Variants in KIF5C observed in about 807,000 individuals in gnomAD.
KIF5C encodes the protein kinesin heavy chain isoform 5C.
KIF5C carries 18 observed loss-of-function variants against 125.2 expected under a neutral mutation model. The ratio of observed to expected loss-of-function variants is 0.14; its 90% CI spans 0.10 to 0.21. The LOEUF (loss-of-function observed/expected upper bound fraction) is 0.21, where lower values mean the gene tolerates loss of function less well. KIF5C is among the 10% of genes least tolerant of loss of function. The pLI, the probability that KIF5C is intolerant of heterozygous loss-of-function variation, is 1.00. For missense variants in KIF5C, 780 were observed against 1,183.8 expected (o/e 0.66, Z 5.01); for synonymous variants, 405 against 434.0 (o/e 0.93, Z 0.83).
At chr2:148,971,307 T>TCTATCTATCTAG (rs1680898266) in intron 11 of KIF5C, among the ~76,000 whole-genome samples, 1 of 151,328 alleles carries the variant, frequency 6.6e-6, no homozygotes, top group South Asian at 2.1e-4. Context: ...TATCTATCTA[T>TCTATCTATCTAG]CTATCTATCT....
intron 24 of KIF5C, among the ~76,000 whole-genome samples, chr2:149,011,003 C>CT (rs11400596): frequency 0.11 from 16,393 of 145,710 alleles, 1,120 homozygotes; most frequent in Middle Eastern, 0.25. Context: ...GCTTCTTCTC[C>CT]TTTTTTTTTT....
intron 10 of KIF5C, among the ~76,000 whole-genome samples, chr2:148,955,732 A>G (rs1288732994): frequency 6.6e-6 from 1 of 152,048 alleles, no homozygotes; most frequent in African/African-American, 2.4e-5. Context: ...GAAGAATGCT[A>G]TACTCTCTAT....
rs1284087261 is a variant in KIF5C at position 148,876,331 on chromosome 2, T to C, written c.126+588T>C. Reference sequence around the variant, plus strand: ...GGAAGGCGGAGGGTTGGGGGAGTACTGGTGGCCTCGGTGTCCCCTGGAGGC... The same window carrying C: ...GGAAGGCGGAGGGTTGGGGGAGTACCGGTGGCCTCGGTGTCCCCTGGAGGC... On this transcript the variant is annotated intron_variant, in intron 1 of 25. Coordinates refer to ENST00000435030, the MANE Select transcript of KIF5C (RefSeq NM_004522.3). This position sits in a 1 kb window ranked among gnomAD's most constrained non-coding sequence, Gnocchi z 4.7. 6.6e-6 allele frequency among the ~76,000 whole-genome samples: 1 copy of C among 152,202 alleles called. No homozygotes were observed. The highest frequency in any genetic ancestry group is 1.9e-4 in the East Asian group (1 of 5,186).
intron 25 of KIF5C, among the ~76,000 whole-genome samples, chr2:149,013,056 CTTTG>C (rs1174510654): frequency 1.3e-5 from 2 of 152,156 alleles, no homozygotes; most frequent in Admixed American, 6.5e-5. Flanking sequence ...AGGGCCTGGG[CTTTG>C]TTTGTCTTTT....
Position 148,947,027 on chromosome 2 carries a change from A to G in KIF5C, c.714+4A>G. On this transcript the variant is annotated splice_donor_region_variant and intron_variant, in intron 8 of 25. Transcript: ENST00000435030. ...TGATTTGGCTGGGAGCGAAAAGGTAATTTGTTCTTTATTTGTATTATCTAT... is the reference window on the plus strand; with the variant it reads ...TGATTTGGCTGGGAGCGAAAAGGTAGTTTGTTCTTTATTTGTATTATCTAT... 1 of 1,608,058 alleles carries G rather than the reference A, an allele frequency of 6.2e-7. No individual in the cohort carries two copies. The highest frequency in any genetic ancestry group is 8.5e-7 in the Non-Finnish European group (1 of 1,178,042).
At chr2:149,007,913 A>AGGGT (rs1192037646) in intron 22 of KIF5C, 50 bp from the exon 23 acceptor site, 9 of 1,146,806 alleles carry the variant, frequency 7.8e-6, no homozygotes, top group Non-Finnish European at 9.5e-6. Flanking sequence ...CCTGGGGCGG[A>AGGGT]GGGTGGGTGG....
chr2:148,999,514 G>A (rs975964680), intron 19 of KIF5C, among the ~76,000 whole-genome samples: 7 of 152,196 alleles, frequency 4.6e-5, no homozygotes, highest in Non-Finnish European at 8.8e-5. Flanking sequence ...ACCCAGGCTC[G>A]GTGCCCAGTT....
In KIF5C at chr2:148,937,465, G is replaced by C. The variant is rs966105620; in HGVS notation, c.396+77G>C. 4.6e-5 allele frequency: 68 copies of C among 1,482,936 alleles called. 1 individual carries two copies. In the Middle Eastern group the frequency reaches 8.9e-4, roughly 19 times the overall value. 91.9% of individuals were successfully genotyped at this position (1,482,936 alleles called of 1,614,324 possible). A position where few individuals can be genotyped will look rare whatever the true frequency, so the allele number is the denominator to read the frequency against. ...TTCTTATACCTCCTCCTTTCAAGAA[G>C]ATATAAAAGATGATCCTACTAATTT... On this transcript the variant is annotated intron_variant, in intron 4 of 25. Transcript: ENST00000435030.
intron 1 of KIF5C, among the ~76,000 whole-genome samples, chr2:148,894,267 T>C (rs922913014): frequency 2.0e-5 from 3 of 152,228 alleles, no homozygotes; most frequent in African/African-American, 7.2e-5. Flanking sequence ...AGAGATTCAC[T>C]AAGTACAGAA....
intron 25 of KIF5C, among the ~76,000 whole-genome samples, chr2:149,017,334 C>T (rs571407475): frequency 6.6e-5 from 10 of 152,124 alleles, no homozygotes; most frequent in African/African-American, 2.2e-4. Flanking sequence ...CTTGTTTTCT[C>T]GTGCAGGCAA....
intron 1 of KIF5C, chr2:148,879,305 C>G (rs904023396): frequency 6.6e-6 from 1 of 152,172 alleles, no homozygotes; most frequent in African/African-American, 2.4e-5. Context: ...ATTTATCGAT[C>G]TCTCTGTGAA....
intron 1 of KIF5C, among the ~76,000 whole-genome samples, chr2:148,902,292 A>G (rs994711578): frequency 6.6e-6 from 1 of 152,068 alleles, no homozygotes. Context: ...AACAGGGGGA[A>G]AGGCAGACAG....
At chr2:148,972,452 T>A (rs540049567) in intron 11 of KIF5C, among the ~76,000 whole-genome samples, 1 of 152,248 alleles carries the variant, frequency 6.6e-6, no homozygotes, top group African/African-American at 2.4e-5. Context: ...GGAGACTCAG[T>A]GGGGCCAGTA....
intron 21 of KIF5C, among the ~76,000 whole-genome samples, chr2:149,002,038 G>T (rs1681864618): frequency 6.6e-6 from 1 of 152,260 alleles, no homozygotes; most frequent in Non-Finnish European, 1.5e-5. Context: ...GGCCTTTGGA[G>T]CATGGAGGAG....
intron 10 of KIF5C, among the ~76,000 whole-genome samples, chr2:148,954,291 G>C (rs1200490644): frequency 6.6e-6 from 1 of 152,162 alleles, no homozygotes; most frequent in Admixed American, 6.6e-5. Context: ...AGCTGAGGAG[G>C]CAGCACTTGA....
chr2:148,959,117 G>T (rs1226694029), intron 10 of KIF5C, among the ~76,000 whole-genome samples: 1 of 152,146 alleles, frequency 6.6e-6, no homozygotes, highest in African/African-American at 2.4e-5. Context: ...ATGGTATTGG[G>T]GGTGAGGAAT....
In KIF5C at chr2:148,962,191, A is replaced by T. The variant is rs1682943605; in HGVS notation, c.1117+72A>T. ...TTTATTTTTATTTTTTTTGAGACAG[A>T]GTCTCTCTCTGTCACTCAGGCTGGA... On this transcript the variant is annotated intron_variant, in intron 11 of 25. Transcript: ENST00000435030. The T allele has an allele frequency of 2.0e-6, 3 of 1,485,258 alleles. No homozygotes were observed. In the Admixed American group the frequency reaches 7.2e-5, roughly 36 times the overall value. 92.0% of individuals were successfully genotyped at this position (1,485,258 alleles called of 1,614,324 possible).
chr2:148,918,912 G>A (rs937643134), intron 1 of KIF5C, among the ~76,000 whole-genome samples: 11 of 152,200 alleles, frequency 7.2e-5, no homozygotes, highest in African/African-American at 1.2e-4. Context: ...ATGGAGAAAT[G>A]ATGGACTAAG....
At chr2:148,893,239 T>G (rs1360343496) in intron 1 of KIF5C, among the ~76,000 whole-genome samples, 1 of 152,252 alleles carries the variant, frequency 6.6e-6, no homozygotes, top group Non-Finnish European at 1.5e-5. Context: ...CTCTTTGGTC[T>G]CTTTTGAACA....
Sources: gnomAD v4.1 joint callset for allele counts (sites outside exome capture counted in the v4.1 genomes callset) on GRCh38, gnomAD v4.1.1 for gene constraint, Gnocchi (gnomAD v3.1) non-coding constraint, MANE v1.5 for transcripts, NCBI Gene and HGNC (gene_info 2026-07-23, HGNC 2026-07-21) for gene names.